PGLYRP2: variants seen among roughly 807,000 people sequenced by gnomAD.
PGLYRP2 encodes peptidoglycan recognition protein 2.
A neutral mutation model predicts 46.2 loss-of-function variants in PGLYRP2; 38 were observed. The ratio of observed to expected loss-of-function variants is 0.82; its 90% confidence interval spans 0.64 to 1.08. PGLYRP2 has a LOEUF of 1.08. Ranked by LOEUF, PGLYRP2 falls within the 50% of genes least tolerant of loss-of-function variation. The pLI is 0.00. For missense variants in PGLYRP2, 713 were observed against 755.9 expected, an observed-to-expected ratio of 0.94 and a Z score of 0.67; for synonymous variants, 289 against 329.4, an observed-to-expected ratio of 0.88 and a Z score of 1.33.
chr19:15,475,034 G>A (rs753556940), intron 2 of PGLYRP2, among the ~76,000 whole-genome samples: 1 of 151,862 alleles, frequency 6.6e-6, no homozygotes, highest in Admixed American at 6.6e-5. Flanking sequence ...TGGAACTGGA[G>A]GCCATTATCT....
chr19:15,476,177 C>G lies in PGLYRP2; in HGVS notation c.493G>C (p.Val165Leu). 3 of 1,614,194 alleles carry G rather than the reference C, an allele frequency of 1.9e-6. No homozygotes were observed. The Admixed American group carries it at 5.0e-5, about 27-fold the overall frequency. Residue 165 changes from valine to leucine, a missense_variant, in exon 2 of 5, where the codon GTA becomes CTA. Physicochemically the swap from Val to Leu is conservative, Grantham distance 32. Transcript: ENST00000340880. ...AGTCCTGGGGAGGAGGTGGCTCTTA[C>G]ATCTGGAGCAATGGCCACAACATCT... The part of the protein sequence containing the change: ...FPDVVAIAPD[V>L]RATSSPGLRD...
chr19:15,471,800 T>G, intron 3 of PGLYRP2, 90 bp downstream of exon 3: 1 of 1,424,256 alleles, frequency 7.0e-7, no homozygotes, highest in Non-Finnish European at 9.5e-7. Context: ...TTCCTCGGGT[T>G]CAAGCCCGGT....
chr19:15,470,257 C>T lies in PGLYRP2; in HGVS notation c.1344-328G>A, dbSNP rs1450686155. On this transcript the variant is annotated intron_variant, in intron 3 of 4. Transcript: ENST00000340880. The stretch of plus-strand genomic sequence containing the variant: ...TTTTTTTTCTTTCCTTCCTTCCTTC[C>T]TTCCTTCCTTCCTTCCTTCCTTCCT... Among the ~76,000 whole-genome samples the T allele has an allele frequency of 1.4e-3, 163 of 116,440 alleles. 3 individuals are homozygous for T. The highest frequency in any genetic ancestry group is 0.013 in the East Asian group (58 of 4,480). 76.4% of individuals were successfully genotyped at this position (116,440 alleles called of 152,430 possible). A position where few individuals can be genotyped will look rare whatever the true frequency, so the allele number is the denominator to read the frequency against.
Position 15,469,858 on chromosome 19 carries a change from C to A in PGLYRP2, c.1415G>T (p.Gly472Val). The change falls in exon 4 of 5, where the codon GGC becomes GTC. Residue 472 changes from glycine (G) to valine (V), a missense_variant. Transcript: ENST00000340880. This position sits in a 1 kb window ranked among gnomAD's most constrained non-coding sequence, Gnocchi z 4.9. The part of the protein sequence containing the change: ...GWHWVGAHTL[G>V]HNSRGFGVAI... ...CACGCCGAAGCCCCGGGAGTTGTGG[C>A]CGAGCGTGTGGGCGCCCACCCAGTG... is the stretch of plus-strand genomic sequence containing the variant. The A allele has an allele frequency of 6.6e-7, 1 of 1,511,242 alleles. No individual in the cohort carries two copies. The allele number at this position is 1,511,242 out of a possible 1,614,324, so 93.6% of individuals were successfully genotyped here.
Position 15,469,153 on chromosome 19 carries a change from G to A in PGLYRP2, c.1642-401C>T. On this transcript the variant is annotated intron_variant, in intron 4 of 4. Transcript: ENST00000340880. This position sits in a 1 kb window ranked among gnomAD's most constrained non-coding sequence, Gnocchi z 4.9. ...TAAGGACTGGACAGAGGTTGTGAAG[G>A]CAAAAGGTCACAGCCTAGGTTCATG... The A allele has an allele frequency of 3.5e-6, 2 of 567,070 alleles. No individual in the cohort carries two copies. The highest frequency in any genetic ancestry group is 3.3e-5 in the Admixed American group (1 of 30,594). The allele number at this position is 567,070 out of a possible 1,614,324, so 35.1% of individuals were successfully genotyped here. A position where few individuals can be genotyped will look rare whatever the true frequency, so the allele number is the denominator to read the frequency against.
chr19:15,471,151 C>T (rs1196599901), intron 3 of PGLYRP2, among the ~76,000 whole-genome samples: 1 of 124,746 alleles, frequency 8.0e-6, no homozygotes, highest in East Asian at 2.7e-4. Flanking sequence ...CTCGCTCTGT[C>T]GCCCAGGCTG....
At position 15,468,715 on chromosome 19, in the gene PGLYRP2, C is replaced by G; in HGVS notation, c.1679G>C (p.Arg560Thr). 6.2e-7 allele frequency: 1 copy of G among 1,613,006 alleles called. No homozygotes were observed. Among genetic ancestry groups the G allele is most frequent in the South Asian group, 1.1e-5 (1 of 90,970 alleles). Residue 560 changes from arginine to threonine, a missense_variant, in exon 5 of 5, where the codon AGA becomes ACA. By Grantham distance (71) the Arg-to-Thr change is moderately conservative. Transcript: ENST00000340880. Reference sequence around the variant, plus strand: ...CCTTGGGGGTGGCTCCCTCCTGGATCTCTTAGAGACACTCCTGGCAGGTCT... The same window carrying G: ...CCTTGGGGGTGGCTCCCTCCTGGATGTCTTAGAGACACTCCTGGCAGGTCT... ...KPRPARSVSK[R>T]SRREPPPRTL...
chr19:15,475,913 A>G lies in PGLYRP2; in HGVS notation c.757T>C (p.Ser253Pro). Residue 253 changes from serine to proline, a missense_variant, in exon 2 of 5, where the codon TCT (serine) becomes CCT (proline). Transcript: ENST00000340880. ...LGTEGCWDQLSAPRTFTLLDP... is the reference protein window; with the variant it reads ...LGTEGCWDQLPAPRTFTLLDP... ...AAAAGCGTAAAGGTCCGAGGGGCAG[A>G]GAGCTGGTCCCAGCAGCCCTCAGTT... 6.2e-7 allele frequency: 1 copy of G among 1,614,166 alleles called. No homozygotes were observed.
Position 15,469,522 on chromosome 19 carries a change from C to T in PGLYRP2, c.1641+110G>A, listed in dbSNP as rs1386641766. The T allele has an allele frequency of 2.1e-6, 3 of 1,453,184 alleles. No homozygotes were observed. The highest frequency in any genetic ancestry group is 2.8e-6 in the Non-Finnish European group (3 of 1,070,092). The allele number at this position is 1,453,184 out of a possible 1,614,324, so 90.0% of individuals were successfully genotyped here. On this transcript the variant is annotated intron_variant, in intron 4 of 4. Coordinates refer to ENST00000340880, the MANE Select transcript of PGLYRP2 (RefSeq NM_052890.4). The surrounding 1 kb of genome is among the most constrained non-coding windows in gnomAD (Gnocchi z 4.9). ...GACGTGCCGCCGGGAAGTTGGGGGC[C>T]TGGCTGAGGCTGTGCGGGCACAGCT...
Position 15,468,693 on chromosome 19 carries a change from T to C in PGLYRP2, c.1701A>G (p.Pro567=). The C allele has an allele frequency of 6.2e-7, 1 of 1,612,952 alleles. No individual in the cohort carries two copies. The highest frequency in any genetic ancestry group is 8.5e-7 in the Non-Finnish European group (1 of 1,179,448). ...VSKRSRREPP[P]RTLPATDLQ ...GGAGGTCTGTGGCTGGCAGGGTCCT[T>C]GGGGGTGGCTCCCTCCTGGATCTCT... Residue 567 remains proline, a synonymous_variant, in exon 5 of 5, where the codon CCA becomes CCG. Transcript: ENST00000340880.
intron 3 of PGLYRP2, among the ~76,000 whole-genome samples, chr19:15,470,691 C>A (rs1431307370): frequency 2.0e-5 from 3 of 151,848 alleles, no homozygotes; most frequent in African/African-American, 7.3e-5. Flanking sequence ...GTAGCCCAGG[C>A]TGGAGTGCAA....
chr19:15,471,666 C>T (rs1029132296), intron 3 of PGLYRP2, among the ~76,000 whole-genome samples: 4 of 152,174 alleles, frequency 2.6e-5, no homozygotes, highest in Non-Finnish European at 5.9e-5. Flanking sequence ...TAGTTCTCTA[C>T]CCTGACTGGA....
chr19:15,473,844 GAAAGAAAGAAAGAA>G (rs893003481), intron 2 of PGLYRP2, among the ~76,000 whole-genome samples: 6 of 146,652 alleles, frequency 4.1e-5, no homozygotes, highest in Non-Finnish European at 7.5e-5. Context: ...GAAAGAAAAA[GAAAGAAAGAAAGAA>G]AAAGAAAGAA....
rs569124526 is a variant in PGLYRP2, at chr19:15,475,532, C to T, written c.1132+6G>A. 1.4e-5 allele frequency: 22 copies of T among 1,578,792 alleles called. No homozygotes were observed. The East Asian group carries it at 1.8e-4, about 13-fold the overall frequency. ...AAGGATCACAGGGTGTGGGGAACTT[C>T]CTCACCCAGGAAGGCCTCAGTGAAT... On this transcript the variant is annotated splice_donor_region_variant and intron_variant, in intron 2 of 4. Transcript: ENST00000340880.
intron 3 of PGLYRP2, among the ~76,000 whole-genome samples, chr19:15,470,293 C>CTTCCTTCCTTCCTTCCTTCCTTCTTTCT (rs769321802): frequency 9.8e-6 from 1 of 101,844 alleles, no homozygotes; most frequent in African/African-American, 4.2e-5. Flanking sequence ...TCCTTCCTTC[C>CTTCCTTCCTTCCTTCCTTCCTTCTTTCT]TTCTTTCTTT....
Position 15,468,695 on chromosome 19 carries a change from G to T in PGLYRP2, c.1699C>A (p.Pro567Thr), listed in dbSNP as rs752214257. Reference sequence around the variant, plus strand: ...AGGTCTGTGGCTGGCAGGGTCCTTGGGGGTGGCTCCCTCCTGGATCTCTTA... The same window carrying T: ...AGGTCTGTGGCTGGCAGGGTCCTTGTGGGTGGCTCCCTCCTGGATCTCTTA... Reference protein sequence around the residue: ...VSKRSRREPPPRTLPATDLQ With the variant: ...VSKRSRREPPTRTLPATDLQ Residue 567 changes from proline (P) to threonine (T), a missense_variant, in exon 5 of 5, where the codon CCA (proline) becomes ACA (threonine). Coordinates refer to ENST00000340880, the MANE Select transcript of PGLYRP2 (RefSeq NM_052890.4). The T allele has an allele frequency of 2.5e-6, 4 of 1,613,186 alleles. No individual in the cohort carries two copies. The highest frequency in any genetic ancestry group is 4.5e-5 in the East Asian group (2 of 44,858).
At chr19:15,476,661 T>G (rs1560727) in intron 1 of PGLYRP2, 53 bp from the exon 2 acceptor site, 7 of 1,415,244 alleles carry the variant, frequency 4.9e-6, no homozygotes, top group Non-Finnish European at 6.6e-6. Flanking sequence ...TGAGCCTCCT[T>G]GTATTGATTC....
Position 15,469,641 on chromosome 19 carries a change from G to C in PGLYRP2, c.1632C>G (p.His544Gln), listed in dbSNP as rs1970724460. The part of the protein sequence containing the change: ...ALFDLLRTWP[H>Q]FTATVKPRPA... ...GGCTGCGAAGACTCACCGCGGTGAAGTGCGGCCAGGTGCGCAGCAGGTCGA... is the reference window on the plus strand; with the variant it reads ...GGCTGCGAAGACTCACCGCGGTGAACTGCGGCCAGGTGCGCAGCAGGTCGA... Residue 544 changes from histidine (H) to glutamine (Q), a missense_variant, in exon 4 of 5, where the codon CAC (histidine) becomes CAG (glutamine). His to Gln is a conservative substitution (Grantham distance 24, BLOSUM62 0). Coordinates refer to ENST00000340880, the MANE Select transcript of PGLYRP2 (RefSeq NM_052890.4). The surrounding 1 kb of genome is among the most constrained non-coding windows in gnomAD (Gnocchi z 4.9). The C allele has an allele frequency of 1.9e-6, 3 of 1,570,264 alleles. No homozygotes were observed. The South Asian group carries it at 3.4e-5, about 18-fold the overall frequency.
chr19:15,469,781 T>C lies in PGLYRP2; in HGVS notation c.1492A>G (p.Thr498Ala), dbSNP rs754845797. ...CAACTCGGGAGCGTGTCGCGCACCG[T>C]GCGCAGAGCGGCCTCGGTGGGCAGC... is the stretch of plus-strand genomic sequence containing the variant. ...AALPTEAALR[T>A]VRDTLPSCAV... Residue 498 changes from threonine to alanine, a missense_variant, in exon 4 of 5, where the codon ACG becomes GCG. Physicochemically the swap from Thr to Ala is moderately conservative, Grantham distance 58. Coordinates refer to ENST00000340880, the MANE Select transcript of PGLYRP2 (RefSeq NM_052890.4). The surrounding 1 kb of genome is among the most constrained non-coding windows in gnomAD (Gnocchi z 4.9). 3.7e-5 allele frequency: 56 copies of C among 1,510,086 alleles called. No individual in the cohort carries two copies. Among genetic ancestry groups the C allele is most frequent in the African/African-American group, 5.7e-5 (4 of 69,726 alleles). The allele number at this position is 1,510,086 out of a possible 1,614,324, so 93.5% of individuals were successfully genotyped here.
Sources: allele counts gnomAD v4.1 joint callset (sites outside exome capture counted in the v4.1 genomes callset), GRCh38; gene constraint gnomAD v4.1.1; non-coding constraint Gnocchi (gnomAD v3.1); transcripts MANE v1.5; gene names NCBI Gene and HGNC (gene_info 2026-07-23, HGNC 2026-07-21).